The following WDR74 variants were observed in gnomAD, a reference collection of about 807,000 sequenced individuals.
The protein encoded by WDR74 is WD repeat-containing protein 74.
A neutral mutation model predicts 45.6 loss-of-function variants in WDR74; 31 were observed. The observed-to-expected ratio is 0.68, with a 90% CI of 0.51 to 0.92. The LOEUF is 0.92. Ranked by LOEUF, WDR74 falls within the 40% of genes least tolerant of loss-of-function variation. The probability of loss-of-function intolerance (pLI) is 0.00; values close to 1 mark genes in which losing one functional copy is unlikely to be tolerated. For synonymous variants in WDR74, 191 were observed against 192.4 expected (o/e 0.99, Z 0.06); for missense variants, 455 against 497.2 (o/e 0.92, Z 0.81).
At chr11:62,840,678 T>G (rs1040476285), upstream of WDR74, among the ~76,000 whole-genome samples, 1 of 150,928 alleles carries the variant, frequency 6.6e-6, no homozygotes, top group African/African-American at 2.5e-5. Flanking sequence ...CGCGAAGATT[T>G]ATTTATTTTT....
rs1241302185 is a variant in WDR74, at chr11:62,832,951, G to A, written c.*1C>T. 3.8e-6 allele frequency: 6 copies of A among 1,599,102 alleles called. No homozygotes were observed. In the African/African-American group the frequency reaches 5.4e-5, roughly 14 times the overall value. ...TTATTTACAAAGTGGGCACAGGGGCGTCAGGGGCTGGTGGACCCAGGCCGC... is the reference window on the plus strand; with the variant it reads ...TTATTTACAAAGTGGGCACAGGGGCATCAGGGGCTGGTGGACCCAGGCCGC... On this transcript the variant is annotated 3_prime_UTR_variant, in exon 11 of 11. Transcript: ENST00000278856.
At chr11:62,838,361 G>T (rs1456214953) in intron 3 of WDR74, among the ~76,000 whole-genome samples, 1 of 151,404 alleles carries the variant, frequency 6.6e-6, no homozygotes, top group East Asian at 2.0e-4. Context: ...TACCGTGCTG[G>T]CCAGGCTGGT....
chr11:62,838,028 G>A (rs527922591), intron 3 of WDR74, among the ~76,000 whole-genome samples: 2 of 152,140 alleles, frequency 1.3e-5, no homozygotes, highest in Non-Finnish European at 2.9e-5. Context: ...GTTTGACCCC[G>A]GGAGGTTGAG....
chr11:62,833,296 T>TAAAAA (rs1048706100), intron 10 of WDR74, among the ~76,000 whole-genome samples, 165 bp from the exon 11 acceptor site: 34 of 50,860 alleles, frequency 6.7e-4, no homozygotes, highest in Non-Finnish European at 9.1e-4. Context: ...AAAAGAAGTT[T>TAAAAA]AAAAAAAAAA....
At chr11:62,841,115 G>A (rs984981538), upstream of WDR74, among the ~76,000 whole-genome samples, 3 of 152,168 alleles carry the variant, frequency 2.0e-5, no homozygotes, top group Middle Eastern at 3.2e-3. Context: ...TCAAGAGATG[G>A]AGACCACCCT....
chr11:62,838,789 A>ACAC (rs1414386566), intron 3 of WDR74, among the ~76,000 whole-genome samples: 1 of 151,736 alleles, frequency 6.6e-6, no homozygotes, highest in African/African-American at 2.4e-5. Flanking sequence ...AAACAAACAC[A>ACAC]CACACACACA....
upstream of WDR74, chr11:62,839,684 G>C: frequency 1.5e-6 from 2 of 1,290,936 alleles, no homozygotes; most frequent in Non-Finnish European, 2.1e-6. Flanking sequence ...AGCCGAAACA[G>C]TAAAGCTTCC....
At position 62,834,301 on chromosome 11, in the gene WDR74, C is replaced by A. The variant is rs773757256; in HGVS notation, c.750G>T (p.Gln250His). The A allele has an allele frequency of 6.2e-7, 1 of 1,613,990 alleles. No individual in the cohort carries two copies. The highest frequency in any genetic ancestry group is 8.5e-7 in the Non-Finnish European group (1 of 1,179,904). ...CTTGCCGAAGGTCAATTTCTGCCAG[C>A]TGCCCATGAGTGTTTCCCACAATCA... is the stretch of plus-strand genomic sequence containing the variant. Reference protein sequence around the residue: ...NSVIVGNTHGQLAEIDLRQGR... With the variant: ...NSVIVGNTHGHLAEIDLRQGR... Residue 250 changes from glutamine (Q) to histidine (H), a missense_variant, in exon 8 of 11, where the codon CAG becomes CAT. Transcript: ENST00000278856.
rs1307308071 is a variant in WDR74, at chr11:62,832,987, T to TC, written c.1122dup (p.Arg375GlufsTer21). ...GTGGACCCAGGCCGCTTCTTCTTTCTCCGTCTCGTTTGGAGAGCTCCTTGG... is the reference window on the plus strand; with the variant it reads ...GTGGACCCAGGCCGCTTCTTCTTTCTCCCGTCTCGTTTGGAGAGCTCCTTGG... On this transcript the variant is annotated frameshift_variant, in exon 11 of 11. Coordinates refer to ENST00000278856, the MANE Select transcript of WDR74 (RefSeq NM_001369450.1). LOFTEE classifies it high-confidence loss of function. 1 of 1,607,812 alleles carries TC rather than the reference T, an allele frequency of 6.2e-7. No individual in the cohort carries two copies. The highest frequency in any genetic ancestry group is 1.3e-5 in the African/African-American group (1 of 74,424).
chr11:62,833,518 T>C, intron 10 of WDR74, 100 bp downstream of exon 10: 1 of 1,373,326 alleles, frequency 7.3e-7, no homozygotes, highest in Non-Finnish European at 1.0e-6. Flanking sequence ...GGTAAACAGA[T>C]AGTCCCAAGT....
chr11:62,839,561 C>G lies in WDR74; in HGVS notation c.10G>C (p.Ala4Pro). The G allele has an allele frequency of 4.3e-6, 7 of 1,610,568 alleles. No individual in the cohort carries two copies. Among genetic ancestry groups the G allele is most frequent in the Non-Finnish European group, 5.9e-6 (7 of 1,178,320 alleles). The change falls in exon 1 of 11, where the codon GCT (alanine) becomes CCT (proline). Residue 4 changes from alanine to proline, a missense_variant. Ala to Pro is a conservative substitution (Grantham distance 27, BLOSUM62 -1). Coordinates refer to ENST00000278856, the MANE Select transcript of WDR74 (RefSeq NM_001369450.1). Reference sequence around the variant, plus strand: ...CACACATGGTTCCAGCGTGCAGCAGCAGCCGCCATGACAAAGCCTGGAGGC... The same window carrying G: ...CACACATGGTTCCAGCGTGCAGCAGGAGCCGCCATGACAAAGCCTGGAGGC... MAA[A>P]AARWNHVWVG...
Position 62,837,082 on chromosome 11 carries a change from A to C in WDR74, c.294-1046T>G, listed in dbSNP as rs146926484. ...CAGAGCAAGACTCCGTCTCTCAGAA[A>C]AACAAAAACAATAAATGAATAACTC... is the stretch of plus-strand genomic sequence containing the variant. On this transcript the variant is annotated intron_variant, in intron 3 of 10. Transcript: ENST00000278856. Among the ~76,000 whole-genome samples the C allele has an allele frequency of 1.8e-4, 28 of 152,172 alleles. No homozygotes were observed. In the East Asian group the frequency reaches 5.4e-3, roughly 29 times the overall value.
At chr11:62,838,775 C>A (rs1477579387) in intron 3 of WDR74, among the ~76,000 whole-genome samples, 74 of 144,604 alleles carry the variant, frequency 5.1e-4, no homozygotes, top group Admixed American at 8.2e-4. Context: ...AAAAAAAAAA[C>A]AAAAAACAAA....
At position 62,833,080 on chromosome 11, in the gene WDR74, CTG is replaced by C. The variant is rs1565219735; in HGVS notation, c.1028_1029del (p.Thr343ArgfsTer4). ...AAGGATGCCCAAAGTTCATCTGTCT[CTG>C]TGTCTTCTAGGGGCACCTTGTTGGG... Reference protein sequence around the residue: ...QEPNKVPLEDTETDELWASLE... With the variant: ...QEPNKVPLEDXETDELWASLE... On this transcript the variant is annotated frameshift_variant, in exon 11 of 11. Coordinates refer to ENST00000278856, the MANE Select transcript of WDR74 (RefSeq NM_001369450.1). LOFTEE classifies it low-confidence loss of function (END_TRUNC). The C allele has an allele frequency of 7.4e-6, 12 of 1,612,438 alleles. No individual in the cohort carries two copies. The highest frequency in any genetic ancestry group is 8.5e-6 in the Non-Finnish European group (10 of 1,179,398).
At chr11:62,835,389 T>A (rs1317362947) in intron 6 of WDR74, 42 bp downstream of exon 6, 1 of 1,585,178 alleles carries the variant, frequency 6.3e-7, no homozygotes, top group African/African-American at 1.3e-5. Context: ...TCCAGGAGGC[T>A]GCTTTATCCC....
At chr11:62,833,272 A>G (rs2084900608) in intron 10 of WDR74, 141 bp from the exon 11 acceptor site, 1 of 439,324 alleles carries the variant, frequency 2.3e-6, no homozygotes, top group East Asian at 4.8e-5. Context: ...ACATAAGGAG[A>G]CCCCATCTCC....
rs2134885425 is a variant in WDR74 at position 62,835,537 on chromosome 11, T to A, written c.517-5A>T. ...GTCCAGCCAGTCATTCCGCACCTGGTGGGGTGGGCAGATGGAGGACAGGGC... is the reference window on the plus strand; with the variant it reads ...GTCCAGCCAGTCATTCCGCACCTGGAGGGGTGGGCAGATGGAGGACAGGGC... On this transcript the variant is annotated splice_region_variant and splice_polypyrimidine_tract_variant and intron_variant, in intron 5 of 10. Coordinates refer to ENST00000278856, the MANE Select transcript of WDR74 (RefSeq NM_001369450.1). 6.2e-7 allele frequency: 1 copy of A among 1,613,834 alleles called. No homozygotes were observed. Among genetic ancestry groups the A allele is most frequent in the East Asian group, 2.2e-5 (1 of 44,874 alleles).
chr11:62,840,556 A>G (rs753455879), upstream of WDR74, among the ~76,000 whole-genome samples: 6 of 152,166 alleles, frequency 3.9e-5, no homozygotes, highest in Non-Finnish European at 4.4e-5. Context: ...ATCGCTCAGT[A>G]GAAATACAGT....
At chr11:62,841,710 A>C (rs867579943), upstream of WDR74, 4 of 152,214 alleles carry the variant, frequency 2.6e-5, no homozygotes, top group Non-Finnish European at 4.4e-5. Flanking sequence ...ATTTCCAAAA[A>C]TCCATTTAAT....
Sources: gnomAD v4.1 joint callset for allele counts (sites outside exome capture counted in the v4.1 genomes callset) on GRCh38, gnomAD v4.1.1 for gene constraint, MANE v1.5 for transcripts, NCBI Gene and HGNC (gene_info 2026-07-23, HGNC 2026-07-21) for gene names.